The following CD274 variants were observed in gnomAD, a reference collection of about 807,000 sequenced individuals.
CD274 encodes programmed cell death 1 ligand 1.
A neutral mutation model predicts 30.1 loss-of-function variants in CD274; 8 were observed. The ratio of observed to expected loss-of-function variants is 0.27; its 90% confidence interval spans 0.16 to 0.48. The LOEUF is 0.48. Among genes scored for constraint, CD274 ranks in the 20% least tolerant of loss-of-function variants. The pLI is 0.99. For missense variants in CD274, 353 were observed against 346.6 expected, an observed-to-expected ratio of 1.02 and a Z score of -0.15; for synonymous variants, 152 against 124.6, an observed-to-expected ratio of 1.22 and a Z score of -1.46.
At chr9:5,461,215 TA>T (rs1166341008) in intron 3 of CD274, among the ~76,000 whole-genome samples, 1 of 152,174 alleles carries the variant, frequency 6.6e-6, no homozygotes, top group African/African-American at 2.4e-5. Flanking sequence ...CAGTGGCCGA[TA>T]AAAAGTGTCA....
chr9:5,453,866 C>T (rs1819251440), intron 1 of CD274, among the ~76,000 whole-genome samples: 1 of 152,156 alleles, frequency 6.6e-6, no homozygotes, highest in Admixed American at 6.5e-5. Context: ...GCACTCTTGG[C>T]CTCTGCCCCT....
In CD274 at chr9:5,470,247, GAC is replaced by G. The variant is rs1344554613; in HGVS notation, c.*2387_*2388del. 1.3e-5 allele frequency: 3 copies of G among 232,572 alleles called. No homozygotes were observed. The highest frequency in any genetic ancestry group is 6.6e-5 in the African/African-American group (3 of 45,284). 14.4% of individuals were successfully genotyped at this position (232,572 alleles called of 1,614,324 possible). ...TGTGCATTTGTACAGTAATTGGTGT[GAC>G]AGTGTTCTTTGTGTGAATTACAGGC... is the stretch of plus-strand genomic sequence containing the variant. On this transcript the variant is annotated 3_prime_UTR_variant, in exon 7 of 7. Transcript: ENST00000381577.
At chr9:5,465,190 G>T (rs1259614097) in intron 4 of CD274, among the ~76,000 whole-genome samples, 1 of 151,734 alleles carries the variant, frequency 6.6e-6, no homozygotes, top group East Asian at 1.9e-4. Flanking sequence ...ATAAATATTA[G>T]CCTCACAAGA....
rs756192559 is a variant in CD274, at chr9:5,465,658, G to T, written c.790+52G>T. 48 of 1,108,834 alleles carry T rather than the reference G, an allele frequency of 4.3e-5. 1 individual carries two copies. The South Asian group carries it at 5.6e-4, about 13-fold the overall frequency. The allele number at this position is 1,108,834 out of a possible 1,614,324, so 68.7% of individuals were successfully genotyped here. On this transcript the variant is annotated intron_variant, in intron 5 of 6. Coordinates refer to ENST00000381577, the MANE Select transcript of CD274 (RefSeq NM_014143.4). The stretch of plus-strand genomic sequence containing the variant: ...TCCACTGGGGGTGAGGAAGGGGTGA[G>T]AATTGGATCATGGCTGCAAGGAAAC...
At chr9:5,466,404 G>C (rs556613819) in intron 5 of CD274, among the ~76,000 whole-genome samples, 2 of 152,312 alleles carry the variant, frequency 1.3e-5, no homozygotes, top group African/African-American at 4.8e-5. Context: ...CTGAGATGGA[G>C]TTGATTTGCA....
intron 1 of CD274, among the ~76,000 whole-genome samples, chr9:5,453,577 A>T (rs759290534): frequency 6.6e-6 from 1 of 152,246 alleles, no homozygotes; most frequent in Non-Finnish European, 1.5e-5. Context: ...TAGAGGGATT[A>T]AATATTATGG....
Position 5,470,482 on chromosome 9 carries a change from G to T in CD274, c.*2620G>T, listed in dbSNP as rs1463348441. ...TTAATAAAATATTCTTATTTATTTT[G>T]TTACTTGGTACACCAGCATGTCCAT... On this transcript the variant is annotated 3_prime_UTR_variant, in exon 7 of 7. Transcript: ENST00000381577. 4.6e-6 allele frequency: 1 copy of T among 219,038 alleles called. No individual in the cohort carries two copies. The highest frequency in any genetic ancestry group is 9.1e-6 in the Non-Finnish European group (1 of 109,310). The allele number at this position is 219,038 out of a possible 1,614,324, so 13.6% of individuals were successfully genotyped here.
Position 5,469,922 on chromosome 9 carries a change from A to G in CD274, c.*2060A>G, listed in dbSNP as rs551334791. ...ACTTCACTTTGATGCTGTACTTGCAAAATCACATTTTCTTTCTGGAAATTC... is the reference window on the plus strand; with the variant it reads ...ACTTCACTTTGATGCTGTACTTGCAGAATCACATTTTCTTTCTGGAAATTC... On this transcript the variant is annotated 3_prime_UTR_variant, in exon 7 of 7. Coordinates refer to ENST00000381577, the MANE Select transcript of CD274 (RefSeq NM_014143.4). 2.6e-5 allele frequency: 6 copies of G among 233,142 alleles called. No individual in the cohort carries two copies. The highest frequency in any genetic ancestry group is 1.3e-4 in the African/African-American group (6 of 45,438). 14.4% of individuals were successfully genotyped at this position (233,142 alleles called of 1,614,324 possible). A position where few individuals can be genotyped will look rare whatever the true frequency, so the allele number is the denominator to read the frequency against.
intron 1 of CD274, among the ~76,000 whole-genome samples, chr9:5,453,092 T>C (rs994443320): frequency 6.6e-5 from 10 of 152,152 alleles, no homozygotes; most frequent in African/African-American, 2.4e-4. Flanking sequence ...TGATAGATGC[T>C]GCAGCCCCAT....
intron 1 of CD274, among the ~76,000 whole-genome samples, chr9:5,452,048 C>T (rs1819214955): frequency 8.5e-6 from 1 of 117,182 alleles, no homozygotes; most frequent in Non-Finnish European, 1.7e-5. Context: ...TTTTTTGAGA[C>T]AGAGTCTCAC....
intron 3 of CD274, among the ~76,000 whole-genome samples, chr9:5,457,685 CT>C (rs1819331191): frequency 1.3e-5 from 2 of 152,150 alleles, no homozygotes; most frequent in African/African-American, 4.8e-5. Context: ...CTAGTCTTTA[CT>C]TTTTTATTAC....
intron 4 of CD274, 42 bp downstream of exon 4, chr9:5,463,163 T>A (rs1380042294): frequency 6.8e-7 from 1 of 1,478,118 alleles, no homozygotes; most frequent in Admixed American, 1.7e-5. Context: ...TCTAACACTG[T>A]CCCCTAGCAC....
chr9:5,457,526 C>A, intron 3 of CD274, 106 bp downstream of exon 3: 1 of 831,136 alleles, frequency 1.2e-6, no homozygotes, highest in Non-Finnish European at 1.9e-6. Context: ...AACAGAACAG[C>A]ATAGTCTGTT....
chr9:5,465,209 A>G (rs530366416), intron 4 of CD274, among the ~76,000 whole-genome samples: 2 of 152,290 alleles, frequency 1.3e-5, no homozygotes, highest in East Asian at 3.9e-4. Context: ...GAAATGTATT[A>G]GCATTTGTAT....
In CD274 at chr9:5,468,468, G is replaced by A. The variant is rs569683062; in HGVS notation, c.*606G>A. ...TTGCTCACATCTAGTAAAACATGGA[G>A]TATTTGTAAGGTGCTTGGTCTCCTC... is the stretch of plus-strand genomic sequence containing the variant. On this transcript the variant is annotated 3_prime_UTR_variant, in exon 7 of 7. Transcript: ENST00000381577. 5.6e-5 allele frequency: 13 copies of A among 233,210 alleles called. No homozygotes were observed. The South Asian group carries it at 2.4e-3, about 42-fold the overall frequency. 14.4% of individuals were successfully genotyped at this position (233,210 alleles called of 1,614,324 possible).
Position 5,470,554 on chromosome 9 carries a change from A to G in CD274, c.*2692A>G, listed in dbSNP as rs532800511. The G allele has an allele frequency of 5.0e-6, 1 of 200,256 alleles. No homozygotes were observed. Among genetic ancestry groups the G allele is most frequent in the Non-Finnish European group, 1.0e-5 (1 of 97,098 alleles). 12.4% of individuals were successfully genotyped at this position (200,256 alleles called of 1,614,324 possible). ...AATAAAATGTTCAGTTTAACATCCCAGTGGAGAAAGTTACTTGGAATATTT... is the reference window on the plus strand; with the variant it reads ...AATAAAATGTTCAGTTTAACATCCCGGTGGAGAAAGTTACTTGGAATATTT... On this transcript the variant is annotated 3_prime_UTR_variant, in exon 7 of 7. Transcript: ENST00000381577.
In CD274 at chr9:5,468,235, C is replaced by T; in HGVS notation, c.*373C>T. ...TCAGTTCCTGCAGAAGTGCCCTTTG[C>T]CTCCACTCAATGCCTCAATTTGTTT... On this transcript the variant is annotated 3_prime_UTR_variant, in exon 7 of 7. Transcript: ENST00000381577. 1 of 301,506 alleles carries T rather than the reference C, an allele frequency of 3.3e-6. No individual in the cohort carries two copies. The highest frequency in any genetic ancestry group is 9.7e-5 in the South Asian group (1 of 10,296). The allele number at this position is 301,506 out of a possible 1,614,324, so 18.7% of individuals were successfully genotyped here.
intron 2 of CD274, 56 bp from the exon 3 acceptor site, chr9:5,457,023 T>G: frequency 8.0e-7 from 1 of 1,252,496 alleles, no homozygotes; most frequent in Non-Finnish European, 1.1e-6. Flanking sequence ...GTGCCAATTT[T>G]GTAAATGTTT....
chr9:5,463,153 T>C (rs1363274626), intron 4 of CD274, 32 bp downstream of exon 4: 7 of 1,545,448 alleles, frequency 4.5e-6, no homozygotes, highest in Non-Finnish European at 6.2e-6. Flanking sequence ...TTAAAATATG[T>C]CTAACACTGT....
Sources: allele counts gnomAD v4.1 joint callset (sites outside exome capture counted in the v4.1 genomes callset), GRCh38; gene constraint gnomAD v4.1.1; transcripts MANE v1.5; gene names NCBI Gene and HGNC (gene_info 2026-07-23, HGNC 2026-07-21).